LMX1A: variants seen among roughly 807,000 people sequenced by gnomAD.
The protein encoded by LMX1A is LIM homeobox transcription factor 1-alpha.
In LMX1A, 15 loss-of-function variants were observed where a neutral mutation model predicts 49.1. That is an observed-to-expected ratio of 0.31 (90% CI 0.20 to 0.47). The LOEUF is 0.47. Ranked by LOEUF, LMX1A falls within the 20% of genes least tolerant of loss-of-function variation. The probability of loss-of-function intolerance (pLI) is 1.00; values close to 1 mark genes in which losing one functional copy is unlikely to be tolerated. For missense variants in LMX1A, 372 were observed against 475.8 expected (o/e 0.78, Z 2.03); for synonymous variants, 167 against 185.7 (o/e 0.90, Z 0.82).
At chr1:165,217,199 C>A (rs916327612) in intron 4 of LMX1A, among the ~76,000 whole-genome samples, 1 of 152,044 alleles carries the variant, frequency 6.6e-6, no homozygotes, top group Non-Finnish European at 1.5e-5. Flanking sequence ...GAAAGCAGAG[C>A]GACAGAGGGA....
chr1:165,284,707 C>T (rs1374041305), intron 3 of LMX1A, among the ~76,000 whole-genome samples: 1 of 152,222 alleles, frequency 6.6e-6, no homozygotes, highest in African/African-American at 2.4e-5. Flanking sequence ...GGCTTGTCTG[C>T]TGAGCGCAAG....
chr1:165,296,066 A>G (rs770081420), intron 3 of LMX1A, among the ~76,000 whole-genome samples: 20 of 152,264 alleles, frequency 1.3e-4, no homozygotes, highest in Non-Finnish European at 2.5e-4. Flanking sequence ...ATATACATAT[A>G]TAGAAACTGA....
chr1:165,280,069 G>C (rs751217104), intron 3 of LMX1A, among the ~76,000 whole-genome samples: 2 of 152,128 alleles, frequency 1.3e-5, no homozygotes, highest in African/African-American at 2.4e-5. Context: ...CACCGAGCAG[G>C]CTGAACCATG....
intron 4 of LMX1A, among the ~76,000 whole-genome samples, chr1:165,240,805 T>C (rs4656437): frequency 1 from 152,085 of 152,330 alleles, 75,920 homozygotes; most frequent in Middle Eastern, 1. Flanking sequence ...GCAACTCATT[T>C]AAAGATGGGA....
chr1:165,329,492 G>A (rs748736304), intron 3 of LMX1A, among the ~76,000 whole-genome samples: 4 of 152,086 alleles, frequency 2.6e-5, no homozygotes, highest in Non-Finnish European at 5.9e-5. Context: ...AGCATGACAC[G>A]GTCTGAGAAG....
At chr1:165,320,986 C>G (rs536774949) in intron 3 of LMX1A, among the ~76,000 whole-genome samples, 1 of 152,114 alleles carries the variant, frequency 6.6e-6, no homozygotes, top group Non-Finnish European at 1.5e-5. Flanking sequence ...AAAGTTAAAA[C>G]AACCCAAATA....
At chr1:165,335,174 T>A (rs1306389150) in intron 3 of LMX1A, among the ~76,000 whole-genome samples, 1 of 152,204 alleles carries the variant, frequency 6.6e-6, no homozygotes, top group Non-Finnish European at 1.5e-5. Context: ...CTTCCTCTCT[T>A]TTAAGCTTTC....
chr1:165,242,938 A>C (rs1302210336), intron 4 of LMX1A, among the ~76,000 whole-genome samples: 3,583 of 151,068 alleles, frequency 0.024, 187 homozygotes, highest in African/African-American at 0.079. Context: ...TCAAAAAAAA[A>C]AAAAAAAAAC....
Position 165,272,570 on chromosome 1 carries a change from C to T in LMX1A, c.264-22930G>A, listed in dbSNP as rs114704885. On this transcript the variant is annotated intron_variant, in intron 3 of 8. Transcript: ENST00000342310. ...CCCCTCTATCAACACAGAACAATGA[C>T]CATAGTGGCGATTTGGGAGGACCAG... Among the ~76,000 whole-genome samples the T allele has an allele frequency of 2.5e-3, 383 of 152,244 alleles. 1 individual carries two copies. Among genetic ancestry groups the T allele is most frequent in the African/African-American group, 8.4e-3 (350 of 41,532 alleles).
At chr1:165,350,173 C>CAAAAAAAAAAA (rs60150264) in intron 3 of LMX1A, among the ~76,000 whole-genome samples, 3 of 80,210 alleles carry the variant, frequency 3.7e-5, no homozygotes, top group African/African-American at 5.6e-5. Flanking sequence ...AAAGATCCAC[C>CAAAAAAAAAAA]AAAAAAAAAA....
chr1:165,335,600 C>A (rs1055266212), intron 3 of LMX1A, among the ~76,000 whole-genome samples: 1 of 152,108 alleles, frequency 6.6e-6, no homozygotes, highest in Non-Finnish European at 1.5e-5. Flanking sequence ...CAGTTACCAA[C>A]AAATGATCAC....
chr1:165,223,142 C>G (rs146504594), intron 4 of LMX1A, among the ~76,000 whole-genome samples: 1 of 152,126 alleles, frequency 6.6e-6, no homozygotes, highest in Non-Finnish European at 1.5e-5. Context: ...GGCCTAACTT[C>G]TCTAAGCCCT....
chr1:165,225,597 T>C (rs578006897), intron 4 of LMX1A, among the ~76,000 whole-genome samples: 10 of 152,348 alleles, frequency 6.6e-5, no homozygotes, highest in African/African-American at 2.4e-4. Flanking sequence ...ACATTGTTAC[T>C]CCGAACCTAA....
At chr1:165,260,003 C>T (rs1653382519) in intron 3 of LMX1A, among the ~76,000 whole-genome samples, 3 of 152,120 alleles carry the variant, frequency 2.0e-5, no homozygotes, top group Admixed American at 6.6e-5. Flanking sequence ...ATAACTCAAG[C>T]CAAGGTGGCA....
chr1:165,310,838 C>T (rs180897473), intron 3 of LMX1A, among the ~76,000 whole-genome samples: 110 of 152,282 alleles, frequency 7.2e-4, no homozygotes, highest in African/African-American at 2.6e-3. Flanking sequence ...AGAGGGAATG[C>T]GATGCGGACA....
intron 3 of LMX1A, among the ~76,000 whole-genome samples, chr1:165,328,114 A>G (rs940254292): frequency 2.0e-5 from 3 of 152,240 alleles, no homozygotes; most frequent in Non-Finnish European, 2.9e-5. Context: ...AGGAGAAAGA[A>G]AATTGCATTA....
intron 3 of LMX1A, among the ~76,000 whole-genome samples, chr1:165,318,093 C>T (rs987076728): frequency 6.6e-6 from 1 of 152,200 alleles, no homozygotes; most frequent in Non-Finnish European, 1.5e-5. Context: ...TCTCTTAGCA[C>T]TTTCTTTTCC....
intron 3 of LMX1A, among the ~76,000 whole-genome samples, chr1:165,332,564 A>G (rs1471739109): frequency 6.6e-6 from 1 of 152,192 alleles, no homozygotes; most frequent in African/African-American, 2.4e-5. Flanking sequence ...TAAGTATATA[A>G]TGTATAAATA....
Position 165,235,428 on chromosome 1 carries a change from A to G in LMX1A, c.496+13980T>C, listed in dbSNP as rs1428936214. Among the ~76,000 whole-genome samples the G allele has an allele frequency of 2.0e-5, 3 of 150,898 alleles. No individual in the cohort carries two copies. In the East Asian group the frequency reaches 5.9e-4, roughly 30 times the overall value. ...CGCGGACACACACACACACACTCACACTCACACACAAATAAATCCCCAGCA... is the reference window on the plus strand; with the variant it reads ...CGCGGACACACACACACACACTCACGCTCACACACAAATAAATCCCCAGCA... On this transcript the variant is annotated intron_variant, in intron 4 of 8. Coordinates refer to ENST00000342310, the MANE Select transcript of LMX1A (RefSeq NM_177398.4).
Sources: allele counts gnomAD v4.1 joint callset (sites outside exome capture counted in the v4.1 genomes callset), GRCh38; gene constraint gnomAD v4.1.1; transcripts MANE v1.5; gene names NCBI Gene and HGNC (gene_info 2026-07-23, HGNC 2026-07-21).